Variants in PRKN observed in about 807,000 individuals in gnomAD.
PRKN encodes the protein parkin RBR E3 ubiquitin protein ligase.
Under a neutral mutation model 59.5 loss-of-function variants are expected in PRKN, and 56 were observed. The observed-to-expected ratio is 0.94, with a 90% CI of 0.76 to 1.18. PRKN has a LOEUF of 1.18. Among genes scored for constraint, PRKN ranks in the 50% most tolerant of loss-of-function variants. The pLI, the probability that PRKN is intolerant of heterozygous loss-of-function variation, is 0.00. For synonymous variants in PRKN, 250 were observed against 222.1 expected (o/e 1.13, Z -1.12); for missense variants, 657 against 596.4 (o/e 1.10, Z -1.06).
intron 9 of PRKN, among the ~76,000 whole-genome samples, chr6:161,432,070 T>C (rs1251184576): frequency 6.6e-6 from 1 of 152,224 alleles, no homozygotes; most frequent in Non-Finnish European, 1.5e-5. Context: ...CATGCACACA[T>C]GTGTACCCAC....
intron 2 of PRKN, chr6:162,264,776 C>T (rs1056953986): frequency 1.3e-5 from 2 of 152,212 alleles, no homozygotes; most frequent in African/African-American, 2.4e-5. Context: ...CCCCACATCA[C>T]CCGCTTCGAG....
At chr6:161,835,140 G>A (rs757484430) in intron 6 of PRKN, among the ~76,000 whole-genome samples, 10 of 152,118 alleles carry the variant, frequency 6.6e-5, no homozygotes, top group Non-Finnish European at 1.5e-4. Context: ...TTTAAAATCT[G>A]AAATACGACA....
intron 3 of PRKN, among the ~76,000 whole-genome samples, chr6:162,233,727 A>T (rs1309729943): frequency 6.6e-6 from 1 of 152,176 alleles, no homozygotes; most frequent in African/African-American, 2.4e-5. Flanking sequence ...CTCATATATT[A>T]ATTTTAAGTG....
chr6:161,653,589 C>CT (rs2128162647), intron 7 of PRKN, among the ~76,000 whole-genome samples: 1 of 152,316 alleles, frequency 6.6e-6, no homozygotes, highest in South Asian at 2.1e-4. Flanking sequence ...CTTTGTTCCA[C>CT]TAACTGCAAC....
At chr6:161,741,757 T>G (rs1282079966) in intron 7 of PRKN, among the ~76,000 whole-genome samples, 1 of 152,052 alleles carries the variant, frequency 6.6e-6, no homozygotes, top group Non-Finnish European at 1.5e-5. Context: ...CCCAAATTAA[T>G]AAGAACTATC....
intron 7 of PRKN, among the ~76,000 whole-genome samples, chr6:161,722,835 T>A (rs148486508): frequency 2.3e-3 from 354 of 152,298 alleles, no homozygotes; most frequent in African/African-American, 8.2e-3. Flanking sequence ...CTCTAAGAAG[T>A]TTTTCTTTTT....
At chr6:162,576,997 A>T (rs1323239752) in intron 1 of PRKN, among the ~76,000 whole-genome samples, 1 of 152,186 alleles carries the variant, frequency 6.6e-6, no homozygotes, top group Non-Finnish European at 1.5e-5. Flanking sequence ...AAACACGACC[A>T]TAAAGATAAA....
At chr6:162,448,439 C>G (rs73606333) in intron 1 of PRKN, among the ~76,000 whole-genome samples, 24,840 of 148,256 alleles carry the variant, frequency 0.17, 2,006 homozygotes, top group South Asian at 0.2. Flanking sequence ...CACTTGAAGA[C>G]TGCTCTTGGT....
intron 4 of PRKN, among the ~76,000 whole-genome samples, chr6:162,164,630 T>G (rs1314409338): frequency 6.7e-6 from 1 of 149,244 alleles, no homozygotes; most frequent in Non-Finnish European, 1.5e-5. Context: ...TGCTACCATT[T>G]GGAATCCAGT....
intron 2 of PRKN, among the ~76,000 whole-genome samples, chr6:162,423,040 T>C (rs1789060591): frequency 6.6e-6 from 1 of 151,920 alleles, no homozygotes. Context: ...TCTTTGCCTT[T>C]CATTGCTTCT....
chr6:162,235,926 G>A (rs373889143), intron 3 of PRKN, among the ~76,000 whole-genome samples: 1 of 75,380 alleles, frequency 1.3e-5, no homozygotes, highest in East Asian at 1.5e-3. Flanking sequence ...AGGAAGGAAG[G>A]AAGGAAGGAA....
At chr6:161,987,144 C>G (rs1781464940) in intron 5 of PRKN, among the ~76,000 whole-genome samples, 1 of 152,198 alleles carries the variant, frequency 6.6e-6, no homozygotes, top group African/African-American at 2.4e-5. Context: ...CAATTTAATA[C>G]TTTCTCACAT....
At chr6:162,632,596 C>G (rs1478260798) in intron 1 of PRKN, among the ~76,000 whole-genome samples, 1 of 151,914 alleles carries the variant, frequency 6.6e-6, no homozygotes, top group Non-Finnish European at 1.5e-5. Context: ...TAGCATAACA[C>G]AATATTCCCA....
intron 7 of PRKN, among the ~76,000 whole-genome samples, chr6:161,680,754 TATATATATATATATATATA>T (rs1205660710): frequency 0.013 from 290 of 23,192 alleles, 8 homozygotes; most frequent in East Asian, 0.019. Context: ...TATATATATA[TATATATATATATATATATA>T]TATTTTTTTT....
chr6:162,179,833 T>C (rs1024730756), intron 4 of PRKN, among the ~76,000 whole-genome samples: 7 of 152,106 alleles, frequency 4.6e-5, no homozygotes, highest in African/African-American at 1.7e-4. Flanking sequence ...TTGTAAACAC[T>C]ACCAAGCAGC....
intron 6 of PRKN, among the ~76,000 whole-genome samples, chr6:161,950,054 C>G (rs547808832): frequency 1.3e-5 from 2 of 152,304 alleles, no homozygotes; most frequent in Middle Eastern, 6.8e-3. Flanking sequence ...GCTCAATGAA[C>G]TGGAGAAAGA....
rs574968531 is a variant in PRKN at position 162,034,521 on chromosome 6, T to C, written c.618+19570A>G. Among the ~76,000 whole-genome samples, 29 of 152,246 alleles carry C rather than the reference T, an allele frequency of 1.9e-4. No individual in the cohort carries two copies. In the South Asian group the frequency reaches 3.1e-3, roughly 16 times the overall value. On this transcript the variant is annotated intron_variant, in intron 5 of 11. Transcript: ENST00000366898. ...CATTTCCTTCCTATCTGTTTTTGCA[T>C]AAAGTTTCACTTATAAAAATTACAC...
At chr6:161,869,900 A>T (rs1794275920) in intron 6 of PRKN, among the ~76,000 whole-genome samples, 1 of 151,602 alleles carries the variant, frequency 6.6e-6, no homozygotes, top group South Asian at 2.1e-4. Context: ...ATGTGGGAAG[A>T]TAATCTACAC....
chr6:162,684,271 A>G (rs190001782), intron 1 of PRKN, among the ~76,000 whole-genome samples: 34 of 152,034 alleles, frequency 2.2e-4, no homozygotes, highest in Admixed American at 1.3e-4. Context: ...AGTGTTTTCT[A>G]CCCTTGAGAT....
Sources: allele counts gnomAD v4.1 joint callset (sites outside exome capture counted in the v4.1 genomes callset), GRCh38; gene constraint gnomAD v4.1.1; transcripts MANE v1.5; gene names NCBI Gene and HGNC (gene_info 2026-07-23, HGNC 2026-07-21).